PCDH15: variants seen among roughly 807,000 people sequenced by gnomAD.
PCDH15 encodes the protein protocadherin-15.
A neutral mutation model predicts 178.5 loss-of-function variants in PCDH15; 129 were observed. The ratio of observed to expected loss-of-function variants is 0.72; its 90% CI spans 0.63 to 0.84. PCDH15 has a LOEUF of 0.84. PCDH15 is among the 40% of genes least tolerant of loss of function. PCDH15 has a pLI of 0.00. For missense variants in PCDH15, 2,230 were observed against 2,099.9 expected (o/e 1.06, Z -1.21); for synonymous variants, 800 against 732.0 (o/e 1.09, Z -1.50).
At chr10:55,230,046 T>C (rs913593460) in intron 1 of PCDH15, among the ~76,000 whole-genome samples, 2 of 152,080 alleles carry the variant, frequency 1.3e-5, no homozygotes, top group South Asian at 4.1e-4. Flanking sequence ...AAAGCACTTA[T>C]AACCTAGTGC....
At chr10:55,072,457 A>C (rs1841773921) in intron 2 of PCDH15, among the ~76,000 whole-genome samples, 1 of 152,182 alleles carries the variant, frequency 6.6e-6, no homozygotes, top group South Asian at 2.1e-4. Flanking sequence ...CCATCAGAGA[A>C]TACTACGAAC....
intron 3 of PCDH15, among the ~76,000 whole-genome samples, chr10:54,820,172 G>T (rs1430177424): frequency 6.6e-6 from 1 of 151,956 alleles, no homozygotes; most frequent in Non-Finnish European, 1.5e-5. Flanking sequence ...CCATCTGATG[G>T]AATGAGATGT....
chr10:53,813,953 G>C (rs2075970125), intron 35 of PCDH15, among the ~76,000 whole-genome samples: 1 of 152,114 alleles, frequency 6.6e-6, no homozygotes, highest in Non-Finnish European at 1.5e-5. Flanking sequence ...ATGGGCGTAG[G>C]TTTTATTTCA....
intron 1 of PCDH15, among the ~76,000 whole-genome samples, chr10:55,183,773 T>C (rs1033656354): frequency 2.0e-5 from 3 of 151,950 alleles, no homozygotes; most frequent in African/African-American, 7.2e-5. Flanking sequence ...TAATGCTGTA[T>C]GTGGGATGAC....
chr10:55,583,054 T>G (rs1195610145), intron 2 of PCDH15, among the ~76,000 whole-genome samples: 5 of 152,160 alleles, frequency 3.3e-5, no homozygotes, highest in Non-Finnish European at 7.4e-5. Context: ...ACATCAAGAT[T>G]TATTTACATT....
intron 25 of PCDH15, among the ~76,000 whole-genome samples, chr10:53,909,721 C>A (rs984912195): frequency 6.6e-6 from 1 of 152,130 alleles, no homozygotes; most frequent in African/African-American, 2.4e-5. Context: ...ACCCAGGAAG[C>A]AAAAGGGGTT....
rs369298013 is a variant in PCDH15, at chr10:54,447,137, G to A, written c.158-68195C>T. Among the ~76,000 whole-genome samples, 70 of 151,674 alleles carry A rather than the reference G, an allele frequency of 4.6e-4. 1 individual carries two copies. The highest frequency in any genetic ancestry group is 1.5e-3 in the African/African-American group (61 of 41,472). ...AATAAACTTTTATCTATCTCTAAGC[G>A]TTGGTGTGTCAGTGTTTGGTTTCGA... On this transcript the variant is annotated intron_variant, in intron 3 of 37. Transcript: ENST00000644397.
intron 2 of PCDH15, among the ~76,000 whole-genome samples, chr10:54,971,869 G>A (rs964435350): frequency 6.6e-6 from 1 of 152,156 alleles, no homozygotes; most frequent in African/African-American, 2.4e-5. Flanking sequence ...TTGTCATTAA[G>A]TTCTCTGGTT....
At chr10:54,669,088 G>C (rs574618645) in intron 1 of PCDH15, among the ~76,000 whole-genome samples, 41 of 152,186 alleles carry the variant, frequency 2.7e-4, no homozygotes, top group Admixed American at 2.0e-4. Context: ...CAAAGTCACT[G>C]TATCTTACCA....
chr10:55,469,099 T>C (rs1279982958), intron 2 of PCDH15: 2 of 151,896 alleles, frequency 1.3e-5, no homozygotes, highest in African/African-American at 4.8e-5. Flanking sequence ...CAAGAAACAA[T>C]GAAACAGAAA....
chr10:54,952,420 C>G (rs1428627951), intron 2 of PCDH15, among the ~76,000 whole-genome samples: 2 of 151,728 alleles, frequency 1.3e-5, no homozygotes, highest in African/African-American at 4.8e-5. Context: ...TATAATACAC[C>G]TTGAAGTCAG....
intron 2 of PCDH15, among the ~76,000 whole-genome samples, chr10:55,084,936 T>G: frequency 6.6e-6 from 1 of 151,852 alleles, no homozygotes; most frequent in East Asian, 1.9e-4. Context: ...CAAATGCAGA[T>G]GAGGATGTGA....
At chr10:54,088,296 T>C (rs2094546523) in intron 16 of PCDH15, among the ~76,000 whole-genome samples, 1 of 152,196 alleles carries the variant, frequency 6.6e-6, no homozygotes, top group African/African-American at 2.4e-5. Context: ...ATTTCTCTAA[T>C]GACAAATGAA....
rs540062728 is a variant in PCDH15 at position 55,277,535 on chromosome 10, A to C, written c.-156+42064T>G. Among the ~76,000 whole-genome samples, 291 of 152,230 alleles carry C rather than the reference A, an allele frequency of 1.9e-3. 1 individual carries two copies. Among genetic ancestry groups the C allele is most frequent in the Non-Finnish European group, 3.3e-3 (227 of 67,976 alleles). On this transcript the variant is annotated intron_variant, in intron 1 of 5. Coordinates refer to the PCDH15 transcript ENST00000458638. Reference sequence around the variant, plus strand: ...GCAGAGTAGATTCAAGTAGTGAAAAAGAACCTGTACACCACTGTGATAATT... The same window carrying C: ...GCAGAGTAGATTCAAGTAGTGAAAACGAACCTGTACACCACTGTGATAATT...
At chr10:55,057,746 T>A (rs1841338806) in intron 2 of PCDH15, among the ~76,000 whole-genome samples, 2 of 152,214 alleles carry the variant, frequency 1.3e-5, no homozygotes, top group East Asian at 3.8e-4. Context: ...TATTTCTCCT[T>A]TTCAATCCTC....
At chr10:54,052,524 G>C (rs1361162963) in intron 18 of PCDH15, among the ~76,000 whole-genome samples, 1 of 152,142 alleles carries the variant, frequency 6.6e-6, no homozygotes, top group Admixed American at 6.6e-5. Flanking sequence ...CATTTAGAAT[G>C]CATGTGTTTA....
At chr10:54,421,824 A>ATATATATATATACACACACAC (rs1565230647) in intron 3 of PCDH15, among the ~76,000 whole-genome samples, 2 of 76,084 alleles carry the variant, frequency 2.6e-5, no homozygotes, top group African/African-American at 1.1e-4. Context: ...GTGTATATAT[A>ATATATATATATACACACACAC]TATATATATA....
At chr10:54,406,460 C>T (rs1271091538) in intron 3 of PCDH15, among the ~76,000 whole-genome samples, 1 of 152,032 alleles carries the variant, frequency 6.6e-6, no homozygotes, top group Non-Finnish European at 1.5e-5. Flanking sequence ...CTTTTTGCCC[C>T]TCTTCCTCCT....
chr10:54,671,935 A>G (rs895679906), intron 1 of PCDH15, among the ~76,000 whole-genome samples: 1 of 152,096 alleles, frequency 6.6e-6, no homozygotes, highest in Non-Finnish European at 1.5e-5. Flanking sequence ...GCAAAGTTTC[A>G]TCTGTATTTA....
Sources: gnomAD v4.1 joint callset for allele counts (sites outside exome capture counted in the v4.1 genomes callset) on GRCh38, gnomAD v4.1.1 for gene constraint, MANE v1.5 for transcripts, NCBI Gene and HGNC (gene_info 2026-07-23, HGNC 2026-07-21) for gene names.